Variants in CYP4X1 observed in about 807,000 individuals in gnomAD.
CYP4X1 encodes cytochrome P450 4X1.
A neutral mutation model predicts 57.9 loss-of-function variants in CYP4X1; 44 were observed. The observed-to-expected ratio is 0.76, with a 90% CI of 0.60 to 0.98. CYP4X1 has a LOEUF of 0.98. CYP4X1 is among the 50% of genes least tolerant of loss of function. CYP4X1 has a pLI of 0.00. For synonymous variants in CYP4X1, 227 were observed against 228.6 expected (o/e 0.99, Z 0.06); for missense variants, 532 against 623.9 (o/e 0.85, Z 1.57).
intron 8 of CYP4X1, among the ~76,000 whole-genome samples, chr1:47,040,464 A>G (rs1211818349): frequency 6.6e-6 from 1 of 152,222 alleles, no homozygotes; most frequent in Non-Finnish European, 1.5e-5. Flanking sequence ...AAAAAACACC[A>G]TATTTCATAT....
chr1:47,049,576 C>G, intron 11 of CYP4X1, 72 bp downstream of exon 11: 1 of 1,321,000 alleles, frequency 7.6e-7, no homozygotes, highest in Non-Finnish European at 1.1e-6. Context: ...CTTTCAGCTC[C>G]TCAGCTCTAT....
the CYP4X1 span, among the ~76,000 whole-genome samples, chr1:46,963,761 C>A: frequency 2.0e-5 from 3 of 152,114 alleles, no homozygotes; most frequent in Admixed American, 2.0e-4. Context: ...TTGTGGCATT[C>A]TTTTTATTTC....
the CYP4X1 span, among the ~76,000 whole-genome samples, chr1:47,012,265 G>A: frequency 6.6e-6 from 1 of 152,152 alleles, no homozygotes; most frequent in Non-Finnish European, 1.5e-5. Flanking sequence ...GTAGGGACAC[G>A]GATGAAGCTG....
the CYP4X1 span, among the ~76,000 whole-genome samples, chr1:47,010,774 G>A: frequency 1.3e-5 from 2 of 151,768 alleles, no homozygotes; most frequent in South Asian, 2.1e-4. Context: ...ATAACAGACA[G>A]AGAGCCAAAT....
chr1:46,987,954 C>T, the CYP4X1 span, among the ~76,000 whole-genome samples: 1 of 152,156 alleles, frequency 6.6e-6, no homozygotes, highest in Non-Finnish European at 1.5e-5. Context: ...AATTGACACT[C>T]TAACTTCACA....
At chr1:47,003,537 A>G in the CYP4X1 span, among the ~76,000 whole-genome samples, 1 of 152,158 alleles carries the variant, frequency 6.6e-6, no homozygotes, top group Non-Finnish European at 1.5e-5. Context: ...TGCAGGCTGT[A>G]CAAGCATGAT....
intron 2 of CYP4X1, 106 bp downstream of exon 2, chr1:47,030,237 A>G: frequency 7.2e-7 from 1 of 1,394,330 alleles, no homozygotes; most frequent in Non-Finnish European, 9.7e-7. Context: ...CCTTTAAGAG[A>G]CACAGCAGCA....
chr1:47,030,878 G>A (rs922403123), intron 2 of CYP4X1, among the ~76,000 whole-genome samples: 1 of 152,018 alleles, frequency 6.6e-6, no homozygotes, highest in African/African-American at 2.4e-5. Flanking sequence ...ACTTATGCTC[G>A]AGACCAGGGG....
intron 8 of CYP4X1, among the ~76,000 whole-genome samples, chr1:47,046,116 A>G (rs1644298563): frequency 1.3e-5 from 2 of 152,182 alleles, no homozygotes; most frequent in South Asian, 4.1e-4. Context: ...TTTTTCTCTC[A>G]AAATTCTTAA....
At chr1:46,987,545 C>T in the CYP4X1 span, among the ~76,000 whole-genome samples, 3 of 152,180 alleles carry the variant, frequency 2.0e-5, no homozygotes, top group Admixed American at 6.5e-5. Context: ...TAATAGACAT[C>T]GACAGAACTC....
chr1:47,001,635 T>A, the CYP4X1 span, among the ~76,000 whole-genome samples: 1 of 152,198 alleles, frequency 6.6e-6, no homozygotes, highest in Non-Finnish European at 1.5e-5. Context: ...CCCTTACGCC[T>A]CGGTCCAATA....
chr1:46,992,020 A>G, the CYP4X1 span, among the ~76,000 whole-genome samples: 1 of 152,148 alleles, frequency 6.6e-6, no homozygotes, highest in African/African-American at 2.4e-5. Context: ...AGAAAACTCA[A>G]TTCAGGCCAG....
At position 47,023,843 on chromosome 1, in the gene CYP4X1, G is replaced by A. The variant is rs1300221522; in HGVS notation, c.26G>A (p.Arg9His). The A allele has an allele frequency of 6.2e-7, 1 of 1,613,278 alleles. No homozygotes were observed. The highest frequency in any genetic ancestry group is 2.2e-5 in the East Asian group (1 of 44,864). ...ATGGAATTCTCCTGGCTGGAGACGC[G>A]CTGGGCGCGGCCCTTTTACCTGGCG... is the stretch of plus-strand genomic sequence containing the variant. MEFSWLET[R>H]WARPFYLAFV... The change falls in exon 1 of 12, where the codon CGC becomes CAC. Residue 9 changes from arginine (R) to histidine (H), a missense_variant. Transcript: ENST00000371901.
chr1:47,009,776 T>C, the CYP4X1 span, among the ~76,000 whole-genome samples: 2 of 152,162 alleles, frequency 1.3e-5, no homozygotes, highest in African/African-American at 4.8e-5. Flanking sequence ...GGGAATACTA[T>C]AAACACTTCT....
At chr1:46,966,974 T>A in the CYP4X1 span, among the ~76,000 whole-genome samples, 1 of 152,346 alleles carries the variant, frequency 6.6e-6, no homozygotes, top group Non-Finnish European at 1.5e-5. Flanking sequence ...TGTGTATAGA[T>A]GCCAAATTGA....
the CYP4X1 span, among the ~76,000 whole-genome samples, chr1:46,988,718 G>T: frequency 6.6e-6 from 1 of 152,076 alleles, no homozygotes; most frequent in African/African-American, 2.4e-5. Context: ...TGAGATGCAA[G>T]GTTGGTTTAA....
chr1:46,986,705 C>A, the CYP4X1 span, among the ~76,000 whole-genome samples: 2 of 152,124 alleles, frequency 1.3e-5, no homozygotes, highest in Non-Finnish European at 2.9e-5. Context: ...ATCCTACAAG[C>A]TAGAAGAAAG....
chr1:46,971,589 T>A, the CYP4X1 span, among the ~76,000 whole-genome samples: 1 of 152,178 alleles, frequency 6.6e-6, no homozygotes. Flanking sequence ...CATCTGTTGT[T>A]TTTTTGATAT....
At chr1:46,987,009 A>G in the CYP4X1 span, among the ~76,000 whole-genome samples, 2 of 152,220 alleles carry the variant, frequency 1.3e-5, no homozygotes, top group South Asian at 4.1e-4. Flanking sequence ...TAATGAAAAG[A>G]TCAAATTCAC....
Sources: allele counts gnomAD v4.1 joint callset (sites outside exome capture counted in the v4.1 genomes callset), GRCh38; gene constraint gnomAD v4.1.1; transcripts MANE v1.5; gene names NCBI Gene and HGNC (gene_info 2026-07-23, HGNC 2026-07-21).